Variants in EXD3 observed in about 807,000 individuals in gnomAD.
The protein encoded by EXD3 is exonuclease 3'-5' domain containing 3, also known as exonuclease mut-7 homolog.
Under a neutral mutation model 98.0 loss-of-function variants are expected in EXD3, and 92 were observed. The ratio of observed to expected loss-of-function variants is 0.94; its 90% CI spans 0.79 to 1.12. The LOEUF (loss-of-function observed/expected upper bound fraction) is 1.12, where lower values mean the gene tolerates loss of function less well. Ranked by LOEUF, EXD3 falls within the 50% of genes most tolerant of loss-of-function variation. The pLI, the probability that EXD3 is intolerant of heterozygous loss-of-function variation, is 0.00. For missense variants in EXD3, 1,222 were observed against 1,191.6 expected (o/e 1.03, Z -0.38); for synonymous variants, 569 against 526.0 (o/e 1.08, Z -1.12).
At position 137,351,118 on chromosome 9, in the gene EXD3, GT is replaced by G; in HGVS notation, c.1413del (p.Lys471AsnfsTer45). The G allele has an allele frequency of 1.3e-6, 2 of 1,582,298 alleles. No individual in the cohort carries two copies. The highest frequency in any genetic ancestry group is 1.7e-6 in the Non-Finnish European group (2 of 1,165,042). Reference sequence around the variant, plus strand: ...GCCAGGGCGGGGCAGGACGTGCCCAGTTTTTGCAGGTCCCCCACCATCCCGT... The same window carrying G: ...GCCAGGGCGGGGCAGGACGTGCCCAGTTTTGCAGGTCCCCCACCATCCCGT... ...LGYGMVGDLQKLGTSCPALAH... is the reference protein window; with the variant it reads ...LGYGMVGDLQXLGTSCPALAH... On this transcript the variant is annotated frameshift_variant, in exon 14 of 22. Coordinates refer to ENST00000340951, the MANE Select transcript of EXD3 (RefSeq NM_017820.5). LOFTEE classifies it high-confidence loss of function.
intron 8 of EXD3, among the ~76,000 whole-genome samples, chr9:137,355,485 AGGAGGATG>A (rs1834617051): frequency 3.2e-5 from 2 of 62,110 alleles, no homozygotes; most frequent in African/African-American, 1.7e-4. Context: ...GGAAGGAGGA[AGGAGGATG>A]GAGGAAGGAG....
At chr9:137,346,238 C>CAAAAAAAAAAAAATAAAAAAAA (rs1833921716) in intron 17 of EXD3, among the ~76,000 whole-genome samples, 1 of 13,622 alleles carries the variant, frequency 7.3e-5, no homozygotes, top group Non-Finnish European at 1.3e-4. Flanking sequence ...GACTCCGTCT[C>CAAAAAAAAAAAAATAAAAAAAA]AAAAAAAAAA....
Position 137,372,943 on chromosome 9 carries a change from G to C in EXD3, c.424C>G (p.His142Asp). ...CCCTCGTGGTGGAGGCGGTGGACGT[G>C]TGCCAGCAGGCAGCTCCTGTCTGCA... is the stretch of plus-strand genomic sequence containing the variant. ...QDADRSCLLA[H>D]VHRLHHEGRF... is the part of the protein sequence containing the mutation. The change falls in exon 5 of 22, where the codon CAC becomes GAC. Residue 142 changes from histidine (H) to aspartate (D), a missense_variant. His to Asp is a moderately conservative substitution (Grantham distance 81). Transcript: ENST00000340951. 1 of 1,601,538 alleles carries C rather than the reference G, an allele frequency of 6.2e-7. No homozygotes were observed. The highest frequency in any genetic ancestry group is 8.5e-7 in the Non-Finnish European group (1 of 1,179,708).
chr9:137,342,758 C>T (rs534916659), intron 17 of EXD3, among the ~76,000 whole-genome samples: 5 of 152,242 alleles, frequency 3.3e-5, no homozygotes, highest in South Asian at 2.1e-4. Flanking sequence ...GTGGCAGCCA[C>T]GAGATGTTCC....
intron 8 of EXD3, among the ~76,000 whole-genome samples, chr9:137,355,485 A>AGGAGAAAG (rs1564508222): frequency 0.023 from 1,430 of 62,078 alleles, 65 homozygotes; most frequent in Middle Eastern, 0.031. Context: ...GGAAGGAGGA[A>AGGAGAAAG]GGAGGATGGA....
intron 7 of EXD3, 78 bp downstream of exon 7, chr9:137,366,415 C>T: frequency 2.6e-6 from 4 of 1,516,360 alleles, no homozygotes; most frequent in Non-Finnish European, 3.6e-6. Flanking sequence ...GCGCCTGCTG[C>T]CCCCCTACAC....
At chr9:137,406,344 G>A (rs1310133282) in intron 1 of EXD3, among the ~76,000 whole-genome samples, 2 of 149,136 alleles carry the variant, frequency 1.3e-5, no homozygotes, top group East Asian at 1.9e-4. Flanking sequence ...GAAAAATGAG[G>A]CCCCTGCACA....
chr9:137,388,468 G>C (rs1836725189), intron 2 of EXD3, among the ~76,000 whole-genome samples: 1 of 152,176 alleles, frequency 6.6e-6, no homozygotes, highest in South Asian at 2.1e-4. Flanking sequence ...ACGCACGCGG[G>C]AAACTGTGGG....
chr9:137,363,133 A>G (rs947246067), intron 7 of EXD3, among the ~76,000 whole-genome samples: 1 of 151,908 alleles, frequency 6.6e-6, no homozygotes, highest in Non-Finnish European at 1.5e-5. Flanking sequence ...TAATTCTTTA[A>G]TATGTTAGTT....
At chr9:137,333,398 A>T (rs1833194749) in intron 17 of EXD3, among the ~76,000 whole-genome samples, 1 of 152,120 alleles carries the variant, frequency 6.6e-6, no homozygotes, top group Non-Finnish European at 1.5e-5. Context: ...TTTCGTATGC[A>T]CATCTATCCT....
intron 17 of EXD3, among the ~76,000 whole-genome samples, chr9:137,336,897 C>A (rs1352176115): frequency 6.6e-6 from 1 of 151,006 alleles, no homozygotes; most frequent in Non-Finnish European, 1.5e-5. Context: ...ACGACTAAAC[C>A]CAAATTCTAT....
chr9:137,352,231 A>G (rs746814107), intron 11 of EXD3, 30 bp from the exon 12 acceptor site: 1 of 1,611,522 alleles, frequency 6.2e-7, no homozygotes, highest in Non-Finnish European at 8.5e-7. Context: ...TAGCGCCCCC[A>G]TGTCCCTGGT....
At chr9:137,373,629 T>C in intron 3 of EXD3, 30 bp from the exon 4 acceptor site, 1 of 1,572,896 alleles carries the variant, frequency 6.4e-7, no homozygotes, top group South Asian at 1.2e-5. Flanking sequence ...CACTGGCACT[T>C]TGTCTTGCAC....
chr9:137,367,846 G>A (rs1325666826), intron 6 of EXD3, 90 bp downstream of exon 6: 1 of 1,305,594 alleles, frequency 7.7e-7, no homozygotes, highest in Admixed American at 2.0e-5. Flanking sequence ...GTGGCTTGGT[G>A]GACTCCCGAC....
In EXD3 at chr9:137,407,809, T is replaced by TGGACCCAA. The variant is rs1837801160; in HGVS notation, c.-47-12413_-47-12406dup. 6.8e-6 allele frequency among the ~76,000 whole-genome samples: 1 copy of TGGACCCAA among 146,318 alleles called. No individual in the cohort carries two copies. The highest frequency in any genetic ancestry group is 2.3e-4 in the South Asian group (1 of 4,300). On this transcript the variant is annotated intron_variant, in intron 1 of 21. Coordinates refer to ENST00000340951, the MANE Select transcript of EXD3 (RefSeq NM_017820.5). This position sits in a 1 kb window ranked among gnomAD's most constrained non-coding sequence, Gnocchi z 4.4. ...CATTCGAGGTCTTGGATGCGCCGGCTGGACCCAAGGACACACGCGGGAGGC... is the reference window on the plus strand; with the variant it reads ...CATTCGAGGTCTTGGATGCGCCGGCTGGACCCAAGGACCCAAGGACACACGCGGGAGGC...
rs1450060374 is a variant in EXD3, at chr9:137,407,402, C to T, written c.-47-11998G>A. Among the ~76,000 whole-genome samples, 1 of 152,254 alleles carries T rather than the reference C, an allele frequency of 6.6e-6. No individual in the cohort carries two copies. Among genetic ancestry groups the T allele is most frequent in the Non-Finnish European group, 1.5e-5 (1 of 68,040 alleles). The stretch of plus-strand genomic sequence containing the variant: ...GCCCACCCACCTGAGGTCCTGGCCC[C>T]CAAGGGGCCATCTGCCCCCGGCTCA... On this transcript the variant is annotated intron_variant, in intron 1 of 21. Transcript: ENST00000340951. This position sits in a 1 kb window ranked among gnomAD's most constrained non-coding sequence, Gnocchi z 4.4.
intron 2 of EXD3, among the ~76,000 whole-genome samples, chr9:137,386,411 G>A (rs1320259197): frequency 1.3e-5 from 2 of 152,082 alleles, no homozygotes; most frequent in Admixed American, 6.5e-5. Context: ...CCCAGTCAGT[G>A]TTGCTGGTCT....
At chr9:137,391,455 C>T (rs936632575) in intron 2 of EXD3, among the ~76,000 whole-genome samples, 4 of 152,258 alleles carry the variant, frequency 2.6e-5, no homozygotes, top group African/African-American at 4.8e-5. Flanking sequence ...TGGAGGCTCC[C>T]ATTGTCCGGA....
At chr9:137,309,246 G>C (rs1831232471) in intron 20 of EXD3, among the ~76,000 whole-genome samples, 1 of 152,218 alleles carries the variant, frequency 6.6e-6, no homozygotes, top group South Asian at 2.1e-4. Flanking sequence ...TCTGGGGTCA[G>C]CTAGTGCTGT....
Sources: allele counts gnomAD v4.1 joint callset (sites outside exome capture counted in the v4.1 genomes callset), GRCh38; gene constraint gnomAD v4.1.1; non-coding constraint Gnocchi (gnomAD v3.1); transcripts MANE v1.5; gene names NCBI Gene and HGNC (gene_info 2026-07-23, HGNC 2026-07-21).